Variants in CTBP2 observed in about 807,000 individuals in gnomAD.
CTBP2 encodes C-terminal binding protein 2.
CTBP2 carries 30 observed loss-of-function variants against 80.3 expected under a neutral mutation model. That is an observed-to-expected ratio of 0.37 (90% CI 0.28 to 0.51). CTBP2 has a LOEUF of 0.51. Ranked by LOEUF, CTBP2 falls within the 20% of genes least tolerant of loss-of-function variation. The pLI is 0.93. For missense variants in CTBP2, 1,212 were observed against 1,375.3 expected (o/e 0.88, Z 1.88); for synonymous variants, 594 against 587.4 (o/e 1.01, Z -0.16).
upstream of CTBP2, among the ~76,000 whole-genome samples, chr10:125,162,061 C>T (rs1319470366): frequency 1.3e-5 from 2 of 152,258 alleles, no homozygotes; most frequent in Admixed American, 1.3e-4. Flanking sequence ...CCCCAGGGCC[C>T]CCCAAACTCT....
At chr10:125,147,846 G>A (rs1040515598) in intron 1 of CTBP2, among the ~76,000 whole-genome samples, 3 of 152,110 alleles carry the variant, frequency 2.0e-5, no homozygotes, top group African/African-American at 4.8e-5. Context: ...GCAGTCAGCC[G>A]TGATTGCGCC....
chr10:125,138,485 A>ATG (rs1323065638), intron 1 of CTBP2, among the ~76,000 whole-genome samples: 1 of 152,164 alleles, frequency 6.6e-6, no homozygotes, highest in East Asian at 1.9e-4. Flanking sequence ...ACAGCGGAAG[A>ATG]TGGACAGTCT....
rs1382610308 is a variant in CTBP2 at position 124,988,871 on chromosome 10, G to C, written c.*647C>G. 1 of 127,118 alleles carries C rather than the reference G, an allele frequency of 7.9e-6. No individual in the cohort carries two copies. The highest frequency in any genetic ancestry group is 1.6e-5 in the Non-Finnish European group (1 of 61,670). 7.9% of individuals were successfully genotyped at this position (127,118 alleles called of 1,614,324 possible). ...ATATATTTGAGTACAAACAGCTTGT[G>C]AAACTTAATACTTTTTTTTTTTTTT... is the stretch of plus-strand genomic sequence containing the variant. On this transcript the variant is annotated 3_prime_UTR_variant, in exon 9 of 9. Transcript: ENST00000309035.
chr10:124,989,901 T>C (rs1473749413), intron 8 of CTBP2, among the ~76,000 whole-genome samples: 2 of 151,886 alleles, frequency 1.3e-5, no homozygotes, highest in Non-Finnish European at 2.9e-5. Context: ...CACGCCTAGC[T>C]AGTTTTTGTA....
At chr10:125,093,360 T>C (rs1152676) in intron 2 of CTBP2, among the ~76,000 whole-genome samples, 112,404 of 152,140 alleles carry the variant, frequency 0.74, 42,372 homozygotes, top group African/African-American at 0.89. Flanking sequence ...TTTCTAATCC[T>C]GTGTGCTGTT....
Position 125,084,004 on chromosome 10 carries a change from C to T in CTBP2, c.-102+26986G>A, listed in dbSNP as rs181602266. On this transcript the variant is annotated intron_variant, in intron 2 of 10. Coordinates refer to the CTBP2 transcript ENST00000337195. ...CTATGTTGGCCAGGCTGGTCTAGAA[C>T]TCCTAATCTCAAATGATCTGCCCGC... 2.7e-3 allele frequency among the ~76,000 whole-genome samples: 415 copies of T among 152,318 alleles called. 3 individuals are homozygous for T. The highest frequency in any genetic ancestry group is 8.8e-3 in the African/African-American group (367 of 41,552).
In CTBP2 at chr10:124,989,021, C is replaced by T. The variant is rs3208602; in HGVS notation, c.*497G>A. Reference sequence around the variant, plus strand: ...TCTTCAATCCTATGCGTGCAGGTGTCTACCACAGGCAAACAGTTTTCTCCC... The same window carrying T: ...TCTTCAATCCTATGCGTGCAGGTGTTTACCACAGGCAAACAGTTTTCTCCC... On this transcript the variant is annotated 3_prime_UTR_variant, in exon 9 of 9. Coordinates refer to ENST00000309035, the MANE Select transcript of CTBP2 (RefSeq NM_022802.3). The T allele has an allele frequency of 1.5e-5, 3 of 204,582 alleles. No homozygotes were observed. The highest frequency in any genetic ancestry group is 3.0e-5 in the Non-Finnish European group (3 of 100,784). The allele number at this position is 204,582 out of a possible 1,614,324, so 12.7% of individuals were successfully genotyped here.
rs557183831 is a variant in CTBP2, at chr10:125,125,689, G to A, written c.-205-14596C>T. 3.3e-5 allele frequency among the ~76,000 whole-genome samples: 5 copies of A among 152,336 alleles called. No homozygotes were observed. The South Asian group carries it at 1.0e-3, about 32-fold the overall frequency. On this transcript the variant is annotated intron_variant, in intron 1 of 10. Coordinates refer to the CTBP2 transcript ENST00000337195. ...TGGGACACTCAGTGTCCAAAAACCA[G>A]TCAGCAGAGTGACCAGAGTGATGGG...
chr10:125,076,355 G>A (rs1037731737), intron 2 of CTBP2, among the ~76,000 whole-genome samples: 8 of 152,144 alleles, frequency 5.3e-5, no homozygotes, highest in African/African-American at 1.9e-4. Flanking sequence ...TGGGAGCACG[G>A]CCATCGCCCA....
intron 2 of CTBP2, among the ~76,000 whole-genome samples, chr10:125,049,480 A>C (rs1474678430): frequency 6.6e-6 from 1 of 152,046 alleles, no homozygotes; most frequent in Non-Finnish European, 1.5e-5. Flanking sequence ...CCTTCTCTTC[A>C]TGGCTCTGAT....
At chr10:125,034,206 A>T (rs1958584567) in intron 3 of CTBP2, among the ~76,000 whole-genome samples, 1 of 152,244 alleles carries the variant, frequency 6.6e-6, no homozygotes, top group Non-Finnish European at 1.5e-5. Flanking sequence ...ACGGGAGGGC[A>T]GTCTATGAAC....
chr10:125,116,316 T>C (rs1184855679), intron 1 of CTBP2, among the ~76,000 whole-genome samples: 2 of 152,182 alleles, frequency 1.3e-5, no homozygotes, highest in Admixed American at 1.3e-4. Context: ...TCTGGAAGCA[T>C]GGTGTCTGTT....
intron 2 of CTBP2, among the ~76,000 whole-genome samples, chr10:125,047,040 A>ACC (rs1961434098): frequency 6.6e-6 from 1 of 152,242 alleles, no homozygotes; most frequent in Admixed American, 6.5e-5. Context: ...CTTTGTTGCT[A>ACC]AAGAAAATGA....
At chr10:125,155,720 A>G (rs529335619) in intron 1 of CTBP2, among the ~76,000 whole-genome samples, 2 of 152,308 alleles carry the variant, frequency 1.3e-5, no homozygotes, top group Non-Finnish European at 2.9e-5. Context: ...TCTTTGATAC[A>G]TATTCCATCA....
chr10:124,991,199 C>A (rs943513315), intron 8 of CTBP2, among the ~76,000 whole-genome samples: 1 of 152,212 alleles, frequency 6.6e-6, no homozygotes. Context: ...TGTATTCACA[C>A]AGACTTATCA....
chr10:125,078,761 G>A (rs1393114485), intron 2 of CTBP2, among the ~76,000 whole-genome samples: 1 of 152,042 alleles, frequency 6.6e-6, no homozygotes, highest in Non-Finnish European at 1.5e-5. Context: ...GGCTTAATCT[G>A]ACCCTTACCA....
chr10:125,106,104 G>C (rs1215118958), intron 2 of CTBP2, among the ~76,000 whole-genome samples: 1 of 152,224 alleles, frequency 6.6e-6, no homozygotes, highest in Non-Finnish European at 1.5e-5. Flanking sequence ...GGCCAGGCCT[G>C]TCTAGGGCAC....
At chr10:125,128,524 T>C (rs903545782) in intron 1 of CTBP2, among the ~76,000 whole-genome samples, 6 of 152,156 alleles carry the variant, frequency 3.9e-5, no homozygotes, top group African/African-American at 9.7e-5. Context: ...TTCCAGAGCA[T>C]GTGAACTCCA....
chr10:125,027,316 C>T lies in CTBP2; in HGVS notation c.444G>A (p.Trp148Ter). Residue 148 changes from tryptophan (W) to a stop codon, truncating the protein, a stop_gained, in exon 1 of 9, where the codon TGG (tryptophan) becomes TGA (stop). Transcript: ENST00000309035. LOFTEE classifies it high-confidence loss of function. ...CAGGTGACCGGCCTTGCATTGGATCCCATGACGTTCTGCTGCCAAGCACTC... is the reference window on the plus strand; with the variant it reads ...CAGGTGACCGGCCTTGCATTGGATCTCATGACGTTCTGCTGCCAAGCACTC... The T allele has an allele frequency of 6.2e-7, 1 of 1,613,724 alleles. No individual in the cohort carries two copies. The highest frequency in any genetic ancestry group is 8.5e-7 in the Non-Finnish European group (1 of 1,180,004).
Sources: gnomAD v4.1 joint callset for allele counts (sites outside exome capture counted in the v4.1 genomes callset) on GRCh38, gnomAD v4.1.1 for gene constraint, MANE v1.5 for transcripts, NCBI Gene and HGNC (gene_info 2026-07-23, HGNC 2026-07-21) for gene names.